Variants in CAMK1D observed in about 807,000 individuals in gnomAD.
The protein encoded by CAMK1D is calcium/calmodulin dependent protein kinase ID.
In CAMK1D, 9 loss-of-function variants were observed where a neutral mutation model predicts 47.7. The observed-to-expected ratio is 0.19, with a 90% CI of 0.11 to 0.33. The LOEUF (loss-of-function observed/expected upper bound fraction) is 0.33. Ranked by LOEUF, CAMK1D falls within the 10% of genes least tolerant of loss-of-function variation. The probability of loss-of-function intolerance (pLI) is 1.00; values close to 1 mark genes in which losing one functional copy is unlikely to be tolerated. For missense variants in CAMK1D, 291 were observed against 488.7 expected (o/e 0.60, Z 3.81); for synonymous variants, 184 against 184.9 (o/e 0.99, Z 0.04).
At chr10:12,611,473 C>A (rs923382227) in intron 2 of CAMK1D, among the ~76,000 whole-genome samples, 1 of 152,030 alleles carries the variant, frequency 6.6e-6, no homozygotes, top group Non-Finnish European at 1.5e-5. Flanking sequence ...GAAGCTCCGC[C>A]TGGGCCTGAG....
intron 2 of CAMK1D, among the ~76,000 whole-genome samples, chr10:12,642,984 A>G (rs1839706956): frequency 2.0e-5 from 3 of 152,188 alleles, no homozygotes; most frequent in South Asian, 4.2e-4. Context: ...TCCTGACTAA[A>G]TTACATTTTG....
chr10:12,722,446 C>CAAAAAAAAAAAAAAAA (rs55809900), intron 3 of CAMK1D, among the ~76,000 whole-genome samples: 1 of 48,596 alleles, frequency 2.1e-5, no homozygotes, highest in African/African-American at 7.8e-5. Flanking sequence ...GACTCCGCCT[C>CAAAAAAAAAAAAAAAA]AAAAAAAAAA....
At chr10:12,389,099 T>C (rs906841762) in intron 1 of CAMK1D, among the ~76,000 whole-genome samples, 4 of 152,218 alleles carry the variant, frequency 2.6e-5, no homozygotes, top group Non-Finnish European at 5.9e-5. Flanking sequence ...TGAGCTTCCA[T>C]CAGCTTCTGC....
chr10:12,639,010 C>A (rs1274569006), intron 2 of CAMK1D, among the ~76,000 whole-genome samples: 1 of 152,220 alleles, frequency 6.6e-6, no homozygotes, highest in Non-Finnish European at 1.5e-5. Flanking sequence ...GAACCTCATT[C>A]CTCTGGTTCC....
At chr10:12,524,031 A>G (rs894510382) in intron 1 of CAMK1D, among the ~76,000 whole-genome samples, 1 of 151,982 alleles carries the variant, frequency 6.6e-6, no homozygotes, top group African/African-American at 2.4e-5. Context: ...AGCTGGGACT[A>G]CAGGCACCCA....
chr10:12,820,657 C>A (rs982245475), intron 8 of CAMK1D, among the ~76,000 whole-genome samples: 79 of 152,348 alleles, frequency 5.2e-4, no homozygotes, highest in African/African-American at 1.9e-3. Flanking sequence ...CCTTGGCAAT[C>A]ATGGACACCT....
At chr10:12,620,212 AAAAAAAT>A (rs1838955984) in intron 2 of CAMK1D, among the ~76,000 whole-genome samples, 1 of 146,236 alleles carries the variant, frequency 6.8e-6, no homozygotes, top group Non-Finnish European at 1.5e-5. Flanking sequence ...AAAAAAAAAA[AAAAAAAT>A]AAAGCTGCTA....
intron 2 of CAMK1D, among the ~76,000 whole-genome samples, chr10:12,653,725 C>G (rs1269363056): frequency 6.6e-6 from 1 of 152,198 alleles, no homozygotes; most frequent in Non-Finnish European, 1.5e-5. Flanking sequence ...CTCTGTTTTT[C>G]ATCTTACTAT....
chr10:12,410,855 T>A (rs1382560343), intron 1 of CAMK1D, among the ~76,000 whole-genome samples: 1 of 152,168 alleles, frequency 6.6e-6, no homozygotes, highest in African/African-American at 2.4e-5. Flanking sequence ...CTTTTATTGA[T>A]TAATTTTAGG....
chr10:12,370,073 A>G (rs534977863), intron 1 of CAMK1D, among the ~76,000 whole-genome samples: 1 of 152,168 alleles, frequency 6.6e-6, no homozygotes, highest in African/African-American at 2.4e-5. Flanking sequence ...ATACTGTGGC[A>G]AGTACAATAT....
At chr10:12,626,082 TC>T (rs1431867800) in intron 2 of CAMK1D, among the ~76,000 whole-genome samples, 3 of 152,230 alleles carry the variant, frequency 2.0e-5, no homozygotes, top group Admixed American at 6.5e-5. Context: ...CTCTGAGGTG[TC>T]TGATGTTAAC....
chr10:12,768,442 G>C (rs1836880877), intron 4 of CAMK1D, among the ~76,000 whole-genome samples: 1 of 152,180 alleles, frequency 6.6e-6, no homozygotes, highest in Non-Finnish European at 1.5e-5. Context: ...GAATGTGGCT[G>C]TCCCCGCTGG....
At chr10:12,738,405 C>T (rs190695862) in intron 3 of CAMK1D, among the ~76,000 whole-genome samples, 2 of 152,228 alleles carry the variant, frequency 1.3e-5, no homozygotes, top group East Asian at 3.9e-4. Context: ...TTCCTGTCGT[C>T]GTTTGTCCAG....
chr10:12,541,888 T>TTCC (rs769033268), intron 1 of CAMK1D, among the ~76,000 whole-genome samples: 4 of 137,660 alleles, frequency 2.9e-5, no homozygotes, highest in Admixed American at 7.1e-5. Flanking sequence ...CCTTCCTTCC[T>TTCC]TTTTTTTTTT....
intron 3 of CAMK1D, among the ~76,000 whole-genome samples, chr10:12,733,083 G>A (rs1020278492): frequency 2.6e-5 from 4 of 152,226 alleles, no homozygotes; most frequent in African/African-American, 9.6e-5. Flanking sequence ...AAATCTTTGT[G>A]CGAGACCCTG....
intron 3 of CAMK1D, among the ~76,000 whole-genome samples, chr10:12,688,872 A>T (rs575223536): frequency 2.4e-4 from 36 of 152,246 alleles, no homozygotes; most frequent in Admixed American, 1.8e-3. Context: ...TAGTAGAGCC[A>T]GGGTTTCACC....
intron 1 of CAMK1D, among the ~76,000 whole-genome samples, chr10:12,371,095 TTAAAAC>T (rs1367883906): frequency 6.6e-6 from 1 of 151,910 alleles, no homozygotes; most frequent in Non-Finnish European, 1.5e-5. Context: ...GGAAGAAAAA[TTAAAAC>T]AATAACTTTA....
At chr10:12,616,177 C>G (rs1368559936) in intron 2 of CAMK1D, among the ~76,000 whole-genome samples, 5 of 152,002 alleles carry the variant, frequency 3.3e-5, no homozygotes, top group Non-Finnish European at 7.4e-5. Flanking sequence ...TGTGTAGTTT[C>G]ATATGAGTGT....
At position 12,830,564 on chromosome 10, in the gene CAMK1D, G is replaced by A. The variant is rs1833399108; in HGVS notation, c.*1677G>A. 1.3e-5 allele frequency: 2 copies of A among 152,280 alleles called. No homozygotes were observed. Among genetic ancestry groups the A allele is most frequent in the African/African-American group, 4.8e-5 (2 of 41,468 alleles). The allele number at this position is 152,280 out of a possible 1,614,324, so 9.4% of individuals were successfully genotyped here. ...TTAATGCCAAAACCAGGAATATCCG[G>A]GGCAAAGCAGGCTGTGTTGTTCGCC... On this transcript the variant is annotated 3_prime_UTR_variant, in exon 11 of 11. Coordinates refer to ENST00000619168, the MANE Select transcript of CAMK1D (RefSeq NM_153498.4).
Sources: allele counts gnomAD v4.1 joint callset (sites outside exome capture counted in the v4.1 genomes callset), GRCh38; gene constraint gnomAD v4.1.1; transcripts MANE v1.5; gene names NCBI Gene and HGNC (gene_info 2026-07-23, HGNC 2026-07-21).